Variants in STAMBP observed in about 807,000 individuals in gnomAD.
STAMBP encodes the protein STAM-binding protein.
STAMBP carries 31 observed loss-of-function variants against 50.7 expected under a neutral mutation model. That is an observed-to-expected ratio of 0.61 (90% CI 0.46 to 0.83). The LOEUF (loss-of-function observed/expected upper bound fraction) is 0.83. Among genes scored for constraint, STAMBP ranks in the 40% least tolerant of loss-of-function variants. The pLI, the probability that STAMBP is intolerant of heterozygous loss-of-function variation, is 0.00. For synonymous variants in STAMBP, 211 were observed against 192.4 expected (o/e 1.10, Z -0.80); for missense variants, 472 against 518.9 (o/e 0.91, Z 0.88).
In STAMBP at chr2:73,847,620, C is replaced by T; in HGVS notation, c.609C>T (p.Pro203=). 6.2e-7 allele frequency: 1 copy of T among 1,614,198 alleles called. No homozygotes were observed. The highest frequency in any genetic ancestry group is 8.5e-7 in the Non-Finnish European group (1 of 1,180,038). Residue 203 remains proline, a synonymous_variant, in exon 5 of 10, where the codon CCC becomes CCT. Transcript: ENST00000394070. ...GGPLVPDLEK[P]SLDVFPTLTV... The stretch of plus-strand genomic sequence containing the variant: ...CGCTAGTGCCTGACTTGGAGAAGCC[C>T]TCCTTAGATGTGTTCCCCACCTTAA...
intron 7 of STAMBP, among the ~76,000 whole-genome samples, chr2:73,853,191 T>TA (rs1384903475): frequency 6.6e-6 from 1 of 152,106 alleles, no homozygotes. Context: ...GTTTTAGGCA[T>TA]TAATGGGAGT....
chr2:73,850,637 A>G lies in STAMBP; in HGVS notation c.1005+124A>G, dbSNP rs548135307. 39 of 1,131,060 alleles carry G rather than the reference A, an allele frequency of 3.4e-5. 1 individual carries two copies. The South Asian group carries it at 7.8e-4, about 23-fold the overall frequency. 70.1% of individuals were successfully genotyped at this position (1,131,060 alleles called of 1,614,324 possible). A position where few individuals can be genotyped will look rare whatever the true frequency, so the allele number is the denominator to read the frequency against. ...TATTTATTGTTTTTCTCTCTTTTGG[A>G]TGCAGTCCTTAGCATACTTGACTAT... On this transcript the variant is annotated intron_variant, in intron 7 of 9. Coordinates refer to ENST00000394070, the MANE Select transcript of STAMBP (RefSeq NM_213622.4). The surrounding 1 kb of genome is among the most constrained non-coding windows in gnomAD (Gnocchi z 4.3).
chr2:73,843,462 T>C (rs917673481), intron 2 of STAMBP, among the ~76,000 whole-genome samples: 1 of 147,766 alleles, frequency 6.8e-6, no homozygotes, highest in Non-Finnish European at 1.5e-5. Flanking sequence ...AGAGACAAGG[T>C]CTCACCCTGT....
intron 2 of STAMBP, among the ~76,000 whole-genome samples, chr2:73,843,450 A>G: frequency 6.7e-6 from 1 of 148,760 alleles, no homozygotes; most frequent in South Asian, 2.1e-4. Context: ...AAAAATATAA[A>G]TAGAGACAAG....
At chr2:73,845,293 T>C (rs1299580273) in intron 4 of STAMBP, 31 bp downstream of exon 4, 1 of 1,525,344 alleles carries the variant, frequency 6.6e-7, no homozygotes, top group Non-Finnish European at 9.0e-7. Flanking sequence ...AAGAAAATTA[T>C]TTTGCTTTTT....
In STAMBP at chr2:73,859,321, T is replaced by TG. The variant is rs1397162582; in HGVS notation, c.1074dup (p.Leu359ValfsTer20). On this transcript the variant is annotated frameshift_variant, in exon 8 of 10. Coordinates refer to ENST00000394070, the MANE Select transcript of STAMBP (RefSeq NM_213622.4). LOFTEE classifies it high-confidence loss of function. ...CACACTCACTGCTCTTACCAGATGATGTTGCCAGAGTCAGTAGCCATTGTT... is the reference window on the plus strand; with the variant it reads ...CACACTCACTGCTCTTACCAGATGATGGTTGCCAGAGTCAGTAGCCATTGTT... 1.2e-6 allele frequency: 2 copies of TG among 1,614,160 alleles called. No individual in the cohort carries two copies. Among genetic ancestry groups the TG allele is most frequent in the African/African-American group, 2.7e-5 (2 of 75,044 alleles).
intron 2 of STAMBP, among the ~76,000 whole-genome samples, chr2:73,837,521 C>A (rs1341340135): frequency 1.6e-5 from 2 of 128,372 alleles, no homozygotes; most frequent in African/African-American, 6.0e-5. Flanking sequence ...GGAGGCGGAG[C>A]TTGCAGTGAG....
At chr2:73,857,233 G>A (rs548795874) in intron 7 of STAMBP, among the ~76,000 whole-genome samples, 3 of 152,220 alleles carry the variant, frequency 2.0e-5, no homozygotes, top group East Asian at 1.9e-4. Context: ...TTAATGGCCC[G>A]ATGTCTTGAT....
At chr2:73,840,958 T>C (rs921460748) in intron 2 of STAMBP, among the ~76,000 whole-genome samples, 5 of 152,202 alleles carry the variant, frequency 3.3e-5, no homozygotes, top group African/African-American at 9.6e-5. Context: ...CTACCAGGTA[T>C]AATTAACCTT....
rs141910647 is a variant in STAMBP, at chr2:73,839,173, C to T, written c.204-5640C>T. On this transcript the variant is annotated intron_variant, in intron 2 of 9. Transcript: ENST00000394070. ...GGCATGTTTGTTCCTTTTCCTGGAGCAGTTCAGGCATCTTAATGATCTCAG... is the reference window on the plus strand; with the variant it reads ...GGCATGTTTGTTCCTTTTCCTGGAGTAGTTCAGGCATCTTAATGATCTCAG... Among the ~76,000 whole-genome samples the T allele has an allele frequency of 4.4e-3, 673 of 152,322 alleles. 3 individuals are homozygous for T. Among genetic ancestry groups the T allele is most frequent in the Non-Finnish European group, 7.7e-3 (526 of 68,022 alleles).
In STAMBP at chr2:73,845,249, A is replaced by G. The variant is rs771783673; in HGVS notation, c.362A>G (p.Tyr121Cys). ...LKRYTKEYTE[Y>C]NEEKKKEAEE... ...CGATATACCAAAGAATATACAGAAT[A>G]TAATGAAGAAAAGGTCAGTATATAA... The change falls in exon 4 of 10, where the codon TAT becomes TGT. Residue 121 changes from tyrosine (Y) to cysteine (C), a missense_variant. Transcript: ENST00000394070. 4 of 1,612,632 alleles carry G rather than the reference A, an allele frequency of 2.5e-6. No homozygotes were observed. In the African/African-American group the frequency reaches 5.3e-5, roughly 22 times the overall value.
In STAMBP at chr2:73,831,023, T is replaced by A. The variant is rs777337202; in HGVS notation, c.167T>A (p.Ile56Asn). ...MASIYSEEGN[I>N]EHAFILYNKY... Reference sequence around the variant, plus strand: ...TCCATTTACTCTGAGGAAGGCAACATTGAACATGCCTTCATCCTCTATAAC... The same window carrying A: ...TCCATTTACTCTGAGGAAGGCAACAATGAACATGCCTTCATCCTCTATAAC... Residue 56 changes from isoleucine (I) to asparagine (N), a missense_variant, in exon 2 of 10, where the codon ATT becomes AAT. By Grantham distance (149) the Ile-to-Asn change is moderately radical. Transcript: ENST00000394070. 6.2e-7 allele frequency: 1 copy of A among 1,614,108 alleles called. No homozygotes were observed. The highest frequency in any genetic ancestry group is 1.3e-5 in the African/African-American group (1 of 74,926).
In STAMBP at chr2:73,850,580, G is replaced by GT; in HGVS notation, c.1005+70dup. 1 of 1,491,992 alleles carries GT rather than the reference G, an allele frequency of 6.7e-7. No homozygotes were observed. Among genetic ancestry groups the GT allele is most frequent in the Non-Finnish European group, 9.0e-7 (1 of 1,112,860 alleles). The allele number at this position is 1,491,992 out of a possible 1,614,324, so 92.4% of individuals were successfully genotyped here. On this transcript the variant is annotated intron_variant, in intron 7 of 9. Transcript: ENST00000394070. This position sits in a 1 kb window ranked among gnomAD's most constrained non-coding sequence, Gnocchi z 4.3. ...CCCATGGTGGTATAAATACATGAGT[G>GT]TTTCTTTGAACAAAGTCAATTATAT...
chr2:73,854,669 G>T (rs1364395696), intron 7 of STAMBP, among the ~76,000 whole-genome samples: 1 of 151,962 alleles, frequency 6.6e-6, no homozygotes, highest in Non-Finnish European at 1.5e-5. Flanking sequence ...CCATATTTCT[G>T]CACCATTCCT....
chr2:73,845,372 T>A (rs1675934455), intron 4 of STAMBP, 110 bp downstream of exon 4: 1 of 759,164 alleles, frequency 1.3e-6, no homozygotes, highest in Non-Finnish European at 2.1e-6. Flanking sequence ...CTGTTTCACC[T>A]TTTTTGGGCA....
chr2:73,854,126 G>A (rs896660952), intron 7 of STAMBP, among the ~76,000 whole-genome samples: 1 of 152,222 alleles, frequency 6.6e-6, no homozygotes, highest in Non-Finnish European at 1.5e-5. Flanking sequence ...AGTACATAGA[G>A]GGATTCATCT....
At chr2:73,869,453 C>A (rs568231897), downstream of STAMBP, among the ~76,000 whole-genome samples, 165 of 152,282 alleles carry the variant, frequency 1.1e-3, 2 homozygotes, top group Non-Finnish European at 1.8e-3. Flanking sequence ...GATGCTACGT[C>A]TTCTTTAATC....
rs1345494753 is a variant in STAMBP, at chr2:73,850,402, T to C, written c.894T>C (p.His298=). 1.4e-5 allele frequency: 22 copies of C among 1,612,996 alleles called. No individual in the cohort carries two copies. The highest frequency in any genetic ancestry group is 1.8e-5 in the Non-Finnish European group (21 of 1,179,668). ...KLMRNEFTIT[H]VLIPKQSAGS... ...TGAGGAATGAATTTACCATTACCCA[T>C]GTTCTCATCCCCAAGCAAAGTGCTG... The change falls in exon 7 of 10, where the codon CAT becomes CAC. Residue 298 remains histidine, a synonymous_variant. Coordinates refer to ENST00000394070, the MANE Select transcript of STAMBP (RefSeq NM_213622.4). This position sits in a 1 kb window ranked among gnomAD's most constrained non-coding sequence, Gnocchi z 4.3.
chr2:73,830,172 A>T (rs745923684), intron 1 of STAMBP, among the ~76,000 whole-genome samples: 7 of 152,252 alleles, frequency 4.6e-5, no homozygotes, highest in Non-Finnish European at 1.0e-4. Flanking sequence ...TTAGTCTATG[A>T]AGATGAGTAA....
Sources: allele counts gnomAD v4.1 joint callset (sites outside exome capture counted in the v4.1 genomes callset), GRCh38; gene constraint gnomAD v4.1.1; non-coding constraint Gnocchi (gnomAD v3.1); transcripts MANE v1.5; gene names NCBI Gene and HGNC (gene_info 2026-07-23, HGNC 2026-07-21).